WRNIP1: variants seen among roughly 807,000 people sequenced by gnomAD.
WRNIP1 encodes WRN helicase interacting protein 1.
In WRNIP1, 41 loss-of-function variants were observed where a neutral mutation model predicts 56.1. The ratio of observed to expected loss-of-function variants is 0.73; its 90% CI spans 0.57 to 0.95. The LOEUF is 0.95. WRNIP1 is among the 40% of genes least tolerant of loss of function. WRNIP1 has a pLI of 0.00. For synonymous variants in WRNIP1, 547 were observed against 398.1 expected (o/e 1.37, Z -4.45); for missense variants, 1,170 against 939.4 (o/e 1.25, Z -3.21).
In WRNIP1 at chr6:2,768,710, T is replaced by C. The variant is rs775182948; in HGVS notation, c.842T>C (p.Ile281Thr). ...TTCTAGACCACTCTGGCTCACATCA[T>C]AGCCAGCAACAGCAAGAAACATAGC... ...GCGKTTLAHI[I>T]ASNSKKHSIR... is the part of the protein sequence containing the mutation. The change falls in exon 2 of 7, where the codon ATA (isoleucine) becomes ACA (threonine). Residue 281 changes from isoleucine (I) to threonine (T), a missense_variant. Physicochemically the swap from Ile to Thr is moderately conservative, Grantham distance 89. Transcript: ENST00000380773. The C allele has an allele frequency of 6.2e-7, 1 of 1,611,798 alleles. No homozygotes were observed.
At chr6:2,772,946 T>C in intron 3 of WRNIP1, 2 of 984,024 alleles carry the variant, frequency 2.0e-6, no homozygotes, top group South Asian at 9.4e-5. Flanking sequence ...AGGAAGCTAT[T>C]GGTGTGCATT....
At chr6:2,782,058 A>G (rs1451109498) in intron 4 of WRNIP1, among the ~76,000 whole-genome samples, 1 of 152,176 alleles carries the variant, frequency 6.6e-6, no homozygotes, top group Non-Finnish European at 1.5e-5. Flanking sequence ...TTTGACATAA[A>G]GTGGTGTGGG....
At chr6:2,768,565 C>A in intron 1 of WRNIP1, 126 bp from the exon 2 acceptor site, 1 of 653,108 alleles carries the variant, frequency 1.5e-6, no homozygotes, top group Admixed American at 3.5e-5. Context: ...TTCTGTGCTG[C>A]TCAGCATTCT....
At chr6:2,781,330 A>C (rs570497658) in intron 4 of WRNIP1, among the ~76,000 whole-genome samples, 2 of 152,164 alleles carry the variant, frequency 1.3e-5, no homozygotes, top group Admixed American at 1.3e-4. Context: ...CATCCTATAC[A>C]TCTTCCCAGT....
rs773336891 is a variant in WRNIP1, at chr6:2,765,661, G to T, written c.39G>T (p.Ser13=). ...GGCCGGAAGACGACCCCTTCCTTTCGCAGCTGCACCAGGTGCAGTGCCCCG... is the reference window on the plus strand; with the variant it reads ...GGCCGGAAGACGACCCCTTCCTTTCTCAGCTGCACCAGGTGCAGTGCCCCG... ...VSGPEDDPFL[S]QLHQVQCPVC... Residue 13 remains serine (S), a synonymous_variant, in exon 1 of 7, where the codon TCG becomes TCT. Coordinates refer to ENST00000380773, the MANE Select transcript of WRNIP1 (RefSeq NM_020135.3). 1.9e-6 allele frequency: 3 copies of T among 1,549,174 alleles called. No homozygotes were observed. Among genetic ancestry groups the T allele is most frequent in the East Asian group, 2.6e-5 (1 of 38,510 alleles).
chr6:2,765,974 A>C lies in WRNIP1; in HGVS notation c.352A>C (p.Ser118Arg). The change falls in exon 1 of 7, where the codon AGC becomes CGC. Residue 118 changes from serine (S) to arginine (R), a missense_variant. By Grantham distance (110) the Ser-to-Arg change is moderately radical (BLOSUM62 -1). Coordinates refer to ENST00000380773, the MANE Select transcript of WRNIP1 (RefSeq NM_020135.3). The stretch of plus-strand genomic sequence containing the variant: ...GAGCTACGACGCGCCGCCCACACCC[A>C]GCGGCGCCCGCCTTATCCCCGACTT... ...RESYDAPPTPSGARLIPDFPV... is the reference protein window; with the variant it reads ...RESYDAPPTPRGARLIPDFPV... The C allele has an allele frequency of 7.1e-7, 1 of 1,408,438 alleles. No individual in the cohort carries two copies. The highest frequency in any genetic ancestry group is 9.3e-7 in the Non-Finnish European group (1 of 1,079,956). 87.2% of individuals were successfully genotyped at this position (1,408,438 alleles called of 1,614,324 possible).
At chr6:2,773,010 A>G (rs1765344992) in intron 3 of WRNIP1, 1 of 985,324 alleles carries the variant, frequency 1.0e-6, no homozygotes, top group African/African-American at 1.7e-5. Flanking sequence ...ACATTTACAG[A>G]GAAGTCCCAG....
intron 4 of WRNIP1, among the ~76,000 whole-genome samples, chr6:2,780,454 C>A (rs7773410): frequency 0.019 from 2,842 of 152,226 alleles, 83 homozygotes; most frequent in African/African-American, 0.065. Context: ...TTGGCTTTAG[C>A]GTGCCTCAGC....
chr6:2,783,059 A>G (rs999913825), intron 4 of WRNIP1, among the ~76,000 whole-genome samples: 12 of 131,558 alleles, frequency 9.1e-5, no homozygotes, highest in East Asian at 2.3e-4. Flanking sequence ...GCCACGGGAT[A>G]GAGCCAGAAC....
chr6:2,779,360 C>G lies in WRNIP1; in HGVS notation c.1354C>G (p.Leu452Val), dbSNP rs1261532235. ...AGLNGLQLAV[L>V]ARLSSRKMFC... Reference sequence around the variant, plus strand: ...GTTGAACGGACTGCAGCTGGCGGTGCTGGCTAGGTTAAGCTCTAGGAAGAT... The same window carrying G: ...GTTGAACGGACTGCAGCTGGCGGTGGTGGCTAGGTTAAGCTCTAGGAAGAT... The change falls in exon 4 of 7, where the codon CTG becomes GTG. Residue 452 changes from leucine (L) to valine (V), a missense_variant. Coordinates refer to ENST00000380773, the MANE Select transcript of WRNIP1 (RefSeq NM_020135.3). The G allele has an allele frequency of 6.2e-7, 1 of 1,614,066 alleles. No homozygotes were observed.
chr6:2,781,794 A>G (rs183298873), intron 4 of WRNIP1, among the ~76,000 whole-genome samples: 1 of 152,382 alleles, frequency 6.6e-6, no homozygotes, highest in East Asian at 1.9e-4. Flanking sequence ...ATCTTTTTAC[A>G]GTGCCTGCTC....
intron 3 of WRNIP1, among the ~76,000 whole-genome samples, chr6:2,776,411 G>A (rs1765431964): frequency 6.6e-6 from 1 of 152,120 alleles, no homozygotes; most frequent in South Asian, 2.1e-4. Flanking sequence ...TCTTTTGGAC[G>A]GGGTGAAATT....
At position 2,765,769 on chromosome 6, in the gene WRNIP1, G is replaced by A. The variant is rs775093064; in HGVS notation, c.147G>A (p.Glu49=). The A allele has an allele frequency of 2.0e-6, 3 of 1,465,594 alleles. No homozygotes were observed. The highest frequency in any genetic ancestry group is 2.7e-6 in the Non-Finnish European group (3 of 1,112,106). The allele number at this position is 1,465,594 out of a possible 1,614,324, so 90.8% of individuals were successfully genotyped here. Residue 49 remains glutamate, a synonymous_variant, in exon 1 of 7, where the codon GAG becomes GAA. Transcript: ENST00000380773. The part of the protein sequence containing the change: ...CLLLHPAGHA[E]PAAGSHRAGE... ...TGCTCCACCCGGCGGGGCACGCGGA[G>A]CCCGCGGCCGGGTCGCACCGCGCCG...
intron 2 of WRNIP1, 85 bp from the exon 3 acceptor site, chr6:2,770,031 AAAGG>A (rs773559054): frequency 4.9e-4 from 762 of 1,557,198 alleles, no homozygotes; most frequent in South Asian, 7.1e-4. Context: ...AAAATGAGGA[AAAGG>A]AAGGAAGGGA....
In WRNIP1 at chr6:2,766,238, G is replaced by T. The variant is rs1440803376; in HGVS notation, c.616G>T (p.Gly206Cys). 2 of 1,477,928 alleles carry T rather than the reference G, an allele frequency of 1.4e-6. No individual in the cohort carries two copies. Among genetic ancestry groups the T allele is most frequent in the East Asian group, 2.7e-5 (1 of 37,624 alleles). 91.6% of individuals were successfully genotyped at this position (1,477,928 alleles called of 1,614,324 possible). A position where few individuals can be genotyped will look rare whatever the true frequency, so the allele number is the denominator to read the frequency against. The part of the protein sequence containing the change: ...AATAFGASGG[G>C]RPHPRALAAE... ...CACCGCCTTCGGGGCCAGTGGCGGG[G>T]GCCGCCCGCACCCCCGGGCGCTGGC... is the stretch of plus-strand genomic sequence containing the variant. The change falls in exon 1 of 7, where the codon GGC becomes TGC. Residue 206 changes from glycine (G) to cysteine (C), a missense_variant. Coordinates refer to ENST00000380773, the MANE Select transcript of WRNIP1 (RefSeq NM_020135.3).
In WRNIP1 at chr6:2,766,334, G is replaced by C. The variant is rs1764982824; in HGVS notation, c.712G>C (p.Asp238His). 1 of 1,610,774 alleles carries C rather than the reference G, an allele frequency of 6.2e-7. No homozygotes were observed. The highest frequency in any genetic ancestry group is 1.3e-5 in the African/African-American group (1 of 74,900). The change falls in exon 1 of 7, where the codon GAT becomes CAT. Residue 238 changes from aspartate to histidine, a missense_variant. By Grantham distance (81) the Asp-to-His change is moderately conservative. Coordinates refer to ENST00000380773, the MANE Select transcript of WRNIP1 (RefSeq NM_020135.3). The part of the protein sequence containing the change: ...ADTMRPDTLQ[D>H]YFGQSKAVGQ... Reference sequence around the variant, plus strand: ...CACGATGCGTCCTGACACGCTGCAGGATTACTTCGGGCAGAGCAAGGCCGT... The same window carrying C: ...CACGATGCGTCCTGACACGCTGCAGCATTACTTCGGGCAGAGCAAGGCCGT...
chr6:2,781,675 C>T (rs879895117), intron 4 of WRNIP1, among the ~76,000 whole-genome samples: 2 of 152,132 alleles, frequency 1.3e-5, no homozygotes, highest in Admixed American at 6.5e-5. Context: ...GCATTGACAT[C>T]GGGGTTCTAT....
Position 2,774,474 on chromosome 6 carries a change from T to G in WRNIP1, c.1256+4113T>G, listed in dbSNP as rs1428462435. Among the ~76,000 whole-genome samples the G allele has an allele frequency of 5.9e-5, 9 of 152,154 alleles. No homozygotes were observed. In the East Asian group the frequency reaches 1.2e-3, roughly 20 times the overall value. ...CTACATCCATCTTCACATGGTGGCC[T>G]TCTTCTCTGTGTCCTTACGTCTTCT... On this transcript the variant is annotated intron_variant, in intron 3 of 6. Transcript: ENST00000380773.
chr6:2,772,283 G>A (rs1021792061), intron 3 of WRNIP1, among the ~76,000 whole-genome samples: 1 of 152,154 alleles, frequency 6.6e-6, no homozygotes, highest in African/African-American at 2.4e-5. Context: ...TGCTAAAATT[G>A]CTTTTCAGAG....
Sources: gnomAD v4.1 joint callset for allele counts (sites outside exome capture counted in the v4.1 genomes callset) on GRCh38, gnomAD v4.1.1 for gene constraint, MANE v1.5 for transcripts, NCBI Gene and HGNC (gene_info 2026-07-23, HGNC 2026-07-21) for gene names.